The following LIMCH1 variants were observed in gnomAD, a reference collection of about 807,000 sequenced individuals.
LIMCH1 encodes the protein LIM and calponin homology domains 1.
A neutral mutation model predicts 176.5 loss-of-function variants in LIMCH1; 113 were observed. That is an observed-to-expected ratio of 0.64 (90% CI 0.55 to 0.75). LIMCH1 has a LOEUF of 0.75. LIMCH1 is among the 30% of genes least tolerant of loss of function. The pLI, the probability that LIMCH1 is intolerant of heterozygous loss-of-function variation, is 0.00. For synonymous variants in LIMCH1, 619 were observed against 645.9 expected (o/e 0.96, Z 0.63); for missense variants, 1,674 against 1,814.9 (o/e 0.92, Z 1.41).
chr4:41,694,338 C>T (rs1242835315), intron 31 of LIMCH1, among the ~76,000 whole-genome samples: 1 of 152,038 alleles, frequency 6.6e-6, no homozygotes, highest in Non-Finnish European at 1.5e-5. Flanking sequence ...AATCACCTTC[C>T]AATAATTTCT....
At chr4:41,381,205 T>C (rs1247002434) in intron 1 of LIMCH1, among the ~76,000 whole-genome samples, 1 of 152,150 alleles carries the variant, frequency 6.6e-6, no homozygotes, top group African/African-American at 2.4e-5. Context: ...CTCAGTCCCA[T>C]AGAGGAGACA....
At chr4:41,676,310 G>C (rs2095216882) in intron 22 of LIMCH1, 72 bp from the exon 23 acceptor site, 5 of 1,231,700 alleles carry the variant, frequency 4.1e-6, no homozygotes, top group Non-Finnish European at 5.9e-6. Context: ...GAGGCCAATT[G>C]TCTACTCTTC....
At chr4:41,621,910 T>C (rs2092608800) in intron 7 of LIMCH1, among the ~76,000 whole-genome samples, 1 of 152,138 alleles carries the variant, frequency 6.6e-6, no homozygotes. Flanking sequence ...GTTATTTATG[T>C]GGTCCAGGTC....
At chr4:41,424,167 CCTT>C (rs1258321485) in intron 1 of LIMCH1, among the ~76,000 whole-genome samples, 1 of 152,156 alleles carries the variant, frequency 6.6e-6, no homozygotes, top group African/African-American at 2.4e-5. Context: ...CTCCCTCCCT[CCTT>C]CTCTCCCTCT....
intron 30 of LIMCH1, chr4:41,689,853 T>A (rs774970357): frequency 2.4e-6 from 1 of 414,492 alleles, no homozygotes. Context: ...AATTTGTCCT[T>A]ACAAAACAGT....
At chr4:41,472,897 A>T (rs1326128986) in intron 1 of LIMCH1, 1 of 416,356 alleles carries the variant, frequency 2.4e-6, no homozygotes, top group Non-Finnish European at 3.2e-6. Context: ...TTGACCATGG[A>T]CCCTTCTTTC....
At chr4:41,528,779 A>G (rs866183688) in intron 3 of LIMCH1, among the ~76,000 whole-genome samples, 1 of 152,220 alleles carries the variant, frequency 6.6e-6, no homozygotes, top group Non-Finnish European at 1.5e-5. Flanking sequence ...TTGAAGATAA[A>G]TAAAAAAGTG....
intron 1 of LIMCH1, among the ~76,000 whole-genome samples, chr4:41,366,399 C>G (rs2052990805): frequency 6.6e-6 from 1 of 152,180 alleles, no homozygotes; most frequent in South Asian, 2.1e-4. Context: ...GCCCAGTTCA[C>G]TGTTCTGAGA....
chr4:41,676,559 C>G, intron 23 of LIMCH1, 97 bp downstream of exon 23: 1 of 888,950 alleles, frequency 1.1e-6, no homozygotes, highest in Non-Finnish European at 1.8e-6. Context: ...TGAATGGAAT[C>G]AAGTTATTCT....
Position 41,631,308 on chromosome 4 carries a change from G to A in LIMCH1, c.1432G>A (p.Asp478Asn). 1.3e-6 allele frequency: 2 copies of A among 1,536,138 alleles called. No homozygotes were observed. Among genetic ancestry groups the A allele is most frequent in the African/African-American group, 1.4e-5 (1 of 73,172 alleles). Residue 478 changes from aspartate to asparagine, a missense_variant, in exon 10 of 32, where the codon GAT becomes AAT. Physicochemically the swap from Asp to Asn is conservative, Grantham distance 23. Coordinates refer to ENST00000503057, the MANE Select transcript of LIMCH1 (RefSeq NM_001330672.2). ...FVHFGPVTEL[D>N]QQKWKRLSIG... ...GCACTTTGGGCCAGTGACGGAGCTA[G>A]ATCAGCAGAAATGGAAGCGGCTTAG...
intron 2 of LIMCH1, among the ~76,000 whole-genome samples, chr4:41,506,884 C>T (rs1335911260): frequency 6.6e-6 from 1 of 152,140 alleles, no homozygotes; most frequent in Non-Finnish European, 1.5e-5. Flanking sequence ...GGAGATAATA[C>T]AGACTACACA....
chr4:41,438,465 C>T (rs112140795), intron 1 of LIMCH1, among the ~76,000 whole-genome samples: 2,601 of 151,786 alleles, frequency 0.017, 42 homozygotes, highest in Non-Finnish European at 0.028. Flanking sequence ...CAGGTTCAAG[C>T]AATTCTCCTG....
At chr4:41,689,111 T>A (rs1723257220) in intron 29 of LIMCH1, among the ~76,000 whole-genome samples, 1 of 152,168 alleles carries the variant, frequency 6.6e-6, no homozygotes, top group Non-Finnish European at 1.5e-5. Flanking sequence ...AATGCTATAG[T>A]GGACCAGTGA....
At chr4:41,649,277 G>A (rs2094194083) in intron 17 of LIMCH1, among the ~76,000 whole-genome samples, 1 of 152,180 alleles carries the variant, frequency 6.6e-6, no homozygotes. Context: ...GCATACGCCT[G>A]TAATCCCATC....
chr4:41,579,332 T>C (rs934866513), intron 1 of LIMCH1, among the ~76,000 whole-genome samples: 1 of 152,230 alleles, frequency 6.6e-6, no homozygotes, highest in Non-Finnish European at 1.5e-5. Flanking sequence ...TTCTGATCCT[T>C]ACGCAGTGGC....
intron 5 of LIMCH1, among the ~76,000 whole-genome samples, chr4:41,618,716 A>G (rs1208663938): frequency 6.6e-6 from 1 of 152,218 alleles, no homozygotes; most frequent in Non-Finnish European, 1.5e-5. Context: ...CTTCTTGATT[A>G]TAACTTAAAT....
At chr4:41,572,587 A>G (rs2083735017) in intron 1 of LIMCH1, among the ~76,000 whole-genome samples, 1 of 152,204 alleles carries the variant, frequency 6.6e-6, no homozygotes, top group Admixed American at 6.5e-5. Flanking sequence ...TAAATGAGTA[A>G]TGGTCAAGGA....
In LIMCH1 at chr4:41,386,565, T is replaced by C. The variant is rs76419483; in HGVS notation, c.96+25629T>C. 5.9e-3 allele frequency among the ~76,000 whole-genome samples: 895 copies of C among 152,354 alleles called. 10 individuals are homozygous for C. Among genetic ancestry groups the C allele is most frequent in the African/African-American group, 0.02 (839 of 41,574 alleles). ...GGCTGTGACTTTCCTATATTGGATA[T>C]GTTTATGAAATGGACAGGCAAACAA... On this transcript the variant is annotated intron_variant, in intron 1 of 26. Coordinates refer to the LIMCH1 transcript ENST00000313860.
intron 2 of LIMCH1, among the ~76,000 whole-genome samples, chr4:41,510,400 T>G (rs1287342486): frequency 1.3e-5 from 2 of 152,206 alleles, no homozygotes. Context: ...TTAAGAGGAT[T>G]TAGTAGCTCT....
Sources: gnomAD v4.1 joint callset for allele counts (sites outside exome capture counted in the v4.1 genomes callset) on GRCh38, gnomAD v4.1.1 for gene constraint, MANE v1.5 for transcripts, NCBI Gene and HGNC (gene_info 2026-07-23, HGNC 2026-07-21) for gene names.